Variants in ACOT11 observed in about 807,000 individuals in gnomAD.
The protein encoded by ACOT11 is acyl-coenzyme A thioesterase 11.
A neutral mutation model predicts 77.5 loss-of-function variants in ACOT11; 69 were observed. The observed-to-expected ratio is 0.89, with a 90% CI of 0.73 to 1.09. The LOEUF (loss-of-function observed/expected upper bound fraction) is 1.09, where lower values mean the gene tolerates loss of function less well. Among genes scored for constraint, ACOT11 ranks in the 50% least tolerant of loss-of-function variants. The probability of loss-of-function intolerance (pLI) is 0.00; values close to 1 mark genes in which losing one functional copy is unlikely to be tolerated. For synonymous variants in ACOT11, 279 were observed against 313.0 expected, an observed-to-expected ratio of 0.89 and a Z score of 1.15; for missense variants, 766 against 813.7, an observed-to-expected ratio of 0.94 and a Z score of 0.71.
chr1:54,627,251 G>A lies in ACOT11; in HGVS notation c.1630-3483G>A, dbSNP rs576154982. 3.8e-4 allele frequency among the ~76,000 whole-genome samples: 51 copies of A among 134,820 alleles called. 16 individuals carry two copies. The highest frequency in any genetic ancestry group is 6.4e-4 in the Non-Finnish European group (38 of 59,420). The allele number at this position is 134,820 out of a possible 152,430, so 88.4% of individuals were successfully genotyped here. On this transcript the variant is annotated intron_variant, in intron 15 of 16. Transcript: ENST00000371316. ...CCATGCCCTGTCATTCCAACTCCGCGGGCCGTGTGTCACCTGTCCTCCCTG... is the reference window on the plus strand; with the variant it reads ...CCATGCCCTGTCATTCCAACTCCGCAGGCCGTGTGTCACCTGTCCTCCCTG...
At chr1:54,576,665 C>T (rs771975910) in intron 1 of ACOT11, among the ~76,000 whole-genome samples, 7 of 151,808 alleles carry the variant, frequency 4.6e-5, no homozygotes, top group Non-Finnish European at 7.4e-5. Context: ...TAGGGCAAGC[C>T]GGTTAATGCT....
intron 1 of ACOT11, among the ~76,000 whole-genome samples, chr1:54,566,948 C>T (rs1653755062): frequency 6.6e-6 from 1 of 152,122 alleles, no homozygotes; most frequent in Non-Finnish European, 1.5e-5. Context: ...CTAAAAATGA[C>T]TCAGATTCAA....
At chr1:54,568,192 C>G (rs952421450) in intron 1 of ACOT11, among the ~76,000 whole-genome samples, 2 of 152,102 alleles carry the variant, frequency 1.3e-5, no homozygotes, top group African/African-American at 4.8e-5. Context: ...AGCCAGGAAG[C>G]CTCTTTGATT....
In ACOT11 at chr1:54,607,085, A is replaced by C. The variant is rs958328213; in HGVS notation, c.1371-49A>C. The C allele has an allele frequency of 6.2e-7, 1 of 1,610,964 alleles. No homozygotes were observed. The highest frequency in any genetic ancestry group is 8.5e-7 in the Non-Finnish European group (1 of 1,178,274). On this transcript the variant is annotated intron_variant, in intron 13 of 15. Transcript: ENST00000343744. The surrounding 1 kb of genome is among the most constrained non-coding windows in gnomAD (Gnocchi z 4.5). Reference sequence around the variant, plus strand: ...GGGCCCGGGCAGACCCGCTGCTTGCATGGGAGCTGGAAGCTTCCTGGGGCA... The same window carrying C: ...GGGCCCGGGCAGACCCGCTGCTTGCCTGGGAGCTGGAAGCTTCCTGGGGCA...
chr1:54,594,143 G>C (rs982516384), intron 5 of ACOT11, 104 bp downstream of exon 5: 3 of 1,002,076 alleles, frequency 3.0e-6, no homozygotes, highest in African/African-American at 3.2e-5. Flanking sequence ...CAGAGGGGAT[G>C]GGGAGGGACA....
intron 1 of ACOT11, among the ~76,000 whole-genome samples, chr1:54,571,222 A>T (rs1037632791): frequency 2.6e-5 from 4 of 152,290 alleles, no homozygotes; most frequent in Admixed American, 6.5e-5. Flanking sequence ...GACAGTCTGA[A>T]GCCCTTGGGC....
chr1:54,560,826 A>C (rs1653447568), intron 1 of ACOT11, among the ~76,000 whole-genome samples: 1 of 152,072 alleles, frequency 6.6e-6, no homozygotes, highest in Non-Finnish European at 1.5e-5. Context: ...GGTTCAAGCA[A>C]TTCCCCTTCG....
chr1:54,606,718 G>A (rs773956850), intron 13 of ACOT11, among the ~76,000 whole-genome samples: 3 of 152,188 alleles, frequency 2.0e-5, no homozygotes, highest in Non-Finnish European at 1.5e-5. Context: ...CTCAGTGGGC[G>A]CTCAGTAAAT....
intron 15 of ACOT11, among the ~76,000 whole-genome samples, chr1:54,617,347 C>T (rs1433353009): frequency 6.6e-6 from 1 of 152,030 alleles, no homozygotes; most frequent in Non-Finnish European, 1.5e-5. Context: ...CCTGCTTTCT[C>T]CCTGACTCCT....
downstream of ACOT11, chr1:54,610,955 G>C: frequency 1.0e-6 from 1 of 985,446 alleles, no homozygotes; most frequent in Non-Finnish European, 1.2e-6. Context: ...AATGAATACA[G>C]TGGAGGCCTC....
chr1:54,609,311 T>C lies in ACOT11; in HGVS notation c.*199T>C. 2 of 1,612,276 alleles carry C rather than the reference T, an allele frequency of 1.2e-6. No homozygotes were observed. Among genetic ancestry groups the C allele is most frequent in the Non-Finnish European group, 1.7e-6 (2 of 1,178,688 alleles). Reference sequence around the variant, plus strand: ...AGCCAGCAAGTCCTTGTGGTAGCCCTGGGGTAGCCTGTAGTAGACTCGGGT... The same window carrying C: ...AGCCAGCAAGTCCTTGTGGTAGCCCCGGGGTAGCCTGTAGTAGACTCGGGT... On this transcript the variant is annotated 3_prime_UTR_variant, in exon 16 of 16. Coordinates refer to ENST00000343744, the MANE Select transcript of ACOT11 (RefSeq NM_147161.4).
chr1:54,607,104 T>C lies in ACOT11; in HGVS notation c.1371-30T>C. 6.2e-7 allele frequency: 1 copy of C among 1,613,148 alleles called. No individual in the cohort carries two copies. The highest frequency in any genetic ancestry group is 8.5e-7 in the Non-Finnish European group (1 of 1,179,480). On this transcript the variant is annotated intron_variant, in intron 13 of 15. Transcript: ENST00000343744. This position sits in a 1 kb window ranked among gnomAD's most constrained non-coding sequence, Gnocchi z 4.5. ...GCTTGCATGGGAGCTGGAAGCTTCC[T>C]GGGGCACTGAGATCCCGGCCTCCCC...
At chr1:54,577,724 G>C (rs560769550) in intron 1 of ACOT11, among the ~76,000 whole-genome samples, 22 of 152,162 alleles carry the variant, frequency 1.4e-4, no homozygotes, top group Non-Finnish European at 3.2e-4. Flanking sequence ...TTAACTTTTT[G>C]AAGAACTGCT....
At chr1:54,560,118 G>A (rs1322311998) in intron 1 of ACOT11, among the ~76,000 whole-genome samples, 7 of 152,326 alleles carry the variant, frequency 4.6e-5, no homozygotes, top group African/African-American at 1.7e-4. Flanking sequence ...ACACAGGGAT[G>A]AGCCAGACTA....
chr1:54,620,845 C>CAAAAAAAA (rs767625864), intron 15 of ACOT11, among the ~76,000 whole-genome samples: 626 of 12,136 alleles, frequency 0.052, 152 homozygotes, highest in Non-Finnish European at 0.074. Flanking sequence ...GAGACTCTGT[C>CAAAAAAAA]AAAAAAAAAA....
intron 6 of ACOT11, among the ~76,000 whole-genome samples, chr1:54,596,054 A>G (rs1201108817): frequency 6.6e-6 from 1 of 152,102 alleles, no homozygotes; most frequent in African/African-American, 2.4e-5. Flanking sequence ...CAGCCCTCCT[A>G]AATCTCTTCT....
intron 15 of ACOT11, among the ~76,000 whole-genome samples, chr1:54,622,934 A>G (rs994343225): frequency 2.7e-5 from 4 of 150,294 alleles, no homozygotes; most frequent in Non-Finnish European, 4.4e-5. Context: ...CAGCACTTTG[A>G]GAGGCTGAGG....
chr1:54,618,560 C>T (rs1187709529), intron 15 of ACOT11, among the ~76,000 whole-genome samples: 4 of 152,030 alleles, frequency 2.6e-5, no homozygotes, highest in Non-Finnish European at 5.9e-5. Context: ...ACTTGCCTTC[C>T]AGAGGCTGAA....
chr1:54,591,699 C>G (rs1654719954), intron 3 of ACOT11, among the ~76,000 whole-genome samples: 1 of 152,208 alleles, frequency 6.6e-6, no homozygotes, highest in Non-Finnish European at 1.5e-5. Flanking sequence ...AGGTGGCTCC[C>G]CTGGGGATTC....
Sources: gnomAD v4.1 joint callset for allele counts (sites outside exome capture counted in the v4.1 genomes callset) on GRCh38, gnomAD v4.1.1 for gene constraint, Gnocchi (gnomAD v3.1) non-coding constraint, MANE v1.5 for transcripts, NCBI Gene and HGNC (gene_info 2026-07-23, HGNC 2026-07-21) for gene names.